Variants in BCAS2 observed in about 807,000 individuals in gnomAD.
BCAS2 encodes pre-mRNA-splicing factor SPF27.
BCAS2 carries 34 observed loss-of-function variants against 35.3 expected under a neutral mutation model. The observed-to-expected ratio is 0.96, with a 90% CI of 0.73 to 1.28. BCAS2 has a LOEUF of 1.28. BCAS2 is among the 50% of genes most tolerant of loss of function. The pLI, the probability that BCAS2 is intolerant of heterozygous loss-of-function variation, is 0.00. For synonymous variants in BCAS2, 75 were observed against 91.6 expected (o/e 0.82, Z 1.03); for missense variants, 221 against 268.1 (o/e 0.82, Z 1.23).
At position 114,567,958 on chromosome 1, in the gene BCAS2, A is replaced by G. The variant is rs1395822537; in HGVS notation, c.*172T>C. The G allele has an allele frequency of 1.2e-6, 1 of 829,746 alleles. No homozygotes were observed. The highest frequency in any genetic ancestry group is 2.5e-5 in the Admixed American group (1 of 39,516). The allele number at this position is 829,746 out of a possible 1,614,324, so 51.4% of individuals were successfully genotyped here. On this transcript the variant is annotated 3_prime_UTR_variant, in exon 7 of 7. Coordinates refer to ENST00000369541, the MANE Select transcript of BCAS2 (RefSeq NM_005872.3). The stretch of plus-strand genomic sequence containing the variant: ...AAATACCACCAAGCTAGACATTTTA[A>G]TTCTGTTGAGATATACAAATAGAAT...
chr1:114,569,423 T>A lies in BCAS2; in HGVS notation c.551+569A>T, dbSNP rs183959594. On this transcript the variant is annotated intron_variant, in intron 6 of 6. Coordinates refer to ENST00000369541, the MANE Select transcript of BCAS2 (RefSeq NM_005872.3). The stretch of plus-strand genomic sequence containing the variant: ...ATGTGTGTATGTAAAAGAACATTTT[T>A]AAAAATGCATAAACCTGAGGTACAA... Among the ~76,000 whole-genome samples the A allele has an allele frequency of 7.8e-3, 1,180 of 152,190 alleles. 11 individuals carry two copies. The highest frequency in any genetic ancestry group is 0.012 in the Non-Finnish European group (785 of 68,012).
intron 4 of BCAS2, among the ~76,000 whole-genome samples, chr1:114,574,720 T>C (rs925133446): frequency 2.0e-5 from 3 of 152,174 alleles, no homozygotes; most frequent in Admixed American, 6.6e-5. Context: ...AATGTCGTAG[T>C]TTGGTTTAGG....
intron 2 of BCAS2, among the ~76,000 whole-genome samples, chr1:114,579,943 T>TC (rs1162007635): frequency 2.0e-5 from 3 of 150,554 alleles, no homozygotes; most frequent in South Asian, 2.1e-4. Flanking sequence ...TTTTTTTTTT[T>TC]CCCTTTGAGA....
At chr1:114,573,708 G>C (rs115874135) in intron 4 of BCAS2, among the ~76,000 whole-genome samples, 1 of 152,038 alleles carries the variant, frequency 6.6e-6, no homozygotes, top group African/African-American at 2.4e-5. Flanking sequence ...TATTGATGTC[G>C]CTTACATTTC....
chr1:114,576,235 C>T (rs1446198451), intron 3 of BCAS2, among the ~76,000 whole-genome samples: 1 of 145,492 alleles, frequency 6.9e-6, no homozygotes, highest in Non-Finnish European at 1.5e-5. Context: ...CTCTCTCTCT[C>T]TCTCTCTCTC....
chr1:114,576,507 C>G (rs1214960535), intron 3 of BCAS2, among the ~76,000 whole-genome samples, 181 bp downstream of exon 3: 4 of 151,322 alleles, frequency 2.6e-5, no homozygotes, highest in Non-Finnish European at 5.9e-5. Flanking sequence ...AGGCTGGTCT[C>G]AAACTCCTGG....
intron 4 of BCAS2, 126 bp downstream of exon 4, chr1:114,575,464 G>C (rs2101629018): frequency 1.1e-6 from 1 of 928,856 alleles, no homozygotes. Flanking sequence ...CAAAGGGCTG[G>C]GATTACTGGC....
At chr1:114,573,240 CT>C (rs1654687198) in intron 4 of BCAS2, among the ~76,000 whole-genome samples, 1 of 150,218 alleles carries the variant, frequency 6.7e-6, no homozygotes, top group African/African-American at 2.5e-5. Context: ...ATATTTTTTC[CT>C]CTGCATCTAT....
chr1:114,573,528 C>G (rs923973667), intron 4 of BCAS2, among the ~76,000 whole-genome samples: 17 of 152,148 alleles, frequency 1.1e-4, no homozygotes, highest in Admixed American at 2.0e-4. Context: ...CCACGCCTGG[C>G]AATGCCCCAT....
intron 4 of BCAS2, among the ~76,000 whole-genome samples, chr1:114,573,147 A>C (rs1294696150): frequency 1.5e-5 from 2 of 136,462 alleles, no homozygotes; most frequent in Non-Finnish European, 3.1e-5. Flanking sequence ...AAAAAAAAAA[A>C]AAAACTTGGC....
At chr1:114,569,098 A>G (rs568213975) in intron 6 of BCAS2, among the ~76,000 whole-genome samples, 6 of 152,324 alleles carry the variant, frequency 3.9e-5, no homozygotes, top group East Asian at 1.9e-4. Context: ...ATGTGAATCT[A>G]TAATTATCTA....
intron 4 of BCAS2, among the ~76,000 whole-genome samples, chr1:114,572,486 T>C (rs1284578174): frequency 1.3e-5 from 2 of 152,238 alleles, no homozygotes; most frequent in African/African-American, 2.4e-5. Flanking sequence ...AAGTGTCCAC[T>C]GAATTTGGAG....
At chr1:114,576,032 A>T (rs1225024368) in intron 3 of BCAS2, among the ~76,000 whole-genome samples, 1 of 152,196 alleles carries the variant, frequency 6.6e-6, no homozygotes, top group Non-Finnish European at 1.5e-5. Flanking sequence ...AAGAATATTT[A>T]ATAATATTAA....
At chr1:114,573,480 G>T (rs1277312244) in intron 4 of BCAS2, among the ~76,000 whole-genome samples, 1 of 151,990 alleles carries the variant, frequency 6.6e-6, no homozygotes, top group Admixed American at 6.6e-5. Flanking sequence ...TGATCCTCCT[G>T]TCTCAGCCTC....
chr1:114,570,172 CAAT>C lies in BCAS2; in HGVS notation c.471-103_471-101del, dbSNP rs1425314130. ...AGAGAATATCTTAATCCCATGAGAACAATATTATGTACAGTTATAGGCTAACTG... is the reference window on the plus strand; with the variant it reads ...AGAGAATATCTTAATCCCATGAGAACATTATGTACAGTTATAGGCTAACTG... On this transcript the variant is annotated intron_variant, in intron 5 of 6. Transcript: ENST00000369541. The C allele has an allele frequency of 6.2e-6, 5 of 810,114 alleles. 1 individual carries two copies. The highest frequency in any genetic ancestry group is 1.0e-5 in the Non-Finnish European group (5 of 490,054). The allele number at this position is 810,114 out of a possible 1,614,324, so 50.2% of individuals were successfully genotyped here.
chr1:114,580,791 T>C (rs1445503947), intron 2 of BCAS2, among the ~76,000 whole-genome samples: 1 of 152,122 alleles, frequency 6.6e-6, no homozygotes, highest in Non-Finnish European at 1.5e-5. Flanking sequence ...TAATCAGAAA[T>C]GTGTTAATAA....
intron 3 of BCAS2, among the ~76,000 whole-genome samples, chr1:114,576,433 TA>T (rs1557932147): frequency 3.5e-5 from 4 of 115,032 alleles, no homozygotes; most frequent in Non-Finnish European, 8.1e-5. Context: ...CAGGTACGTT[TA>T]TTATTATTAT....
At chr1:114,569,197 T>G (rs1212590686) in intron 6 of BCAS2, among the ~76,000 whole-genome samples, 1 of 152,120 alleles carries the variant, frequency 6.6e-6, no homozygotes, top group African/African-American at 2.4e-5. Flanking sequence ...GAAGATAGTA[T>G]TTAATCAACA....
intron 5 of BCAS2, 115 bp downstream of exon 5, chr1:114,570,584 TG>T (rs1654619487): frequency 8.2e-6 from 6 of 734,674 alleles, no homozygotes; most frequent in Middle Eastern, 7.3e-4. Context: ...ACAAAGAGAG[TG>T]GATCAATTGT....
Sources: allele counts gnomAD v4.1 joint callset (sites outside exome capture counted in the v4.1 genomes callset), GRCh38; gene constraint gnomAD v4.1.1; transcripts MANE v1.5; gene names NCBI Gene and HGNC (gene_info 2026-07-23, HGNC 2026-07-21).